SFMBT1: variants seen among roughly 807,000 people sequenced by gnomAD.
The protein encoded by SFMBT1 is scm-like with four MBT domains protein 1.
A neutral mutation model predicts 108.7 loss-of-function variants in SFMBT1; 32 were observed. The ratio of observed to expected loss-of-function variants is 0.29; its 90% confidence interval spans 0.22 to 0.40. The LOEUF (loss-of-function observed/expected upper bound fraction) is 0.40. Among genes scored for constraint, SFMBT1 ranks in the 10% least tolerant of loss-of-function variants. The probability of loss-of-function intolerance (pLI) is 1.00; values close to 1 mark genes in which losing one functional copy is unlikely to be tolerated. For synonymous variants in SFMBT1, 348 were observed against 369.5 expected, an observed-to-expected ratio of 0.94 and a Z score of 0.67; for missense variants, 816 against 1,059.6, an observed-to-expected ratio of 0.77 and a Z score of 3.19.
intron 1 of SFMBT1, among the ~76,000 whole-genome samples, chr3:53,031,058 C>T (rs1699668579): frequency 6.6e-6 from 1 of 152,200 alleles, no homozygotes; most frequent in Non-Finnish European, 1.5e-5. Context: ...CTAAGCCTGT[C>T]CAACCCTCTT....
rs974756731 is a variant in SFMBT1, at chr3:53,002,514, C to T, written c.-130-33256G>A. 1.3e-5 allele frequency among the ~76,000 whole-genome samples: 2 copies of T among 149,898 alleles called. 1 individual carries two copies. Among genetic ancestry groups the T allele is most frequent in the Admixed American group, 1.3e-4 (2 of 14,866 alleles). The stretch of plus-strand genomic sequence containing the variant: ...CAAATTATAATAACTTCAGTATTCT[C>T]TAGTTAGGAGGTATTCTCCTCAGTT... On this transcript the variant is annotated intron_variant, in intron 1 of 20. Transcript: ENST00000394752.
At chr3:53,000,053 A>G (rs2564918) in intron 1 of SFMBT1, among the ~76,000 whole-genome samples, 146,775 of 149,230 alleles carry the variant, frequency 0.98, 72,266 homozygotes, top group Middle Eastern at 1. Context: ...TAGTAGAGAC[A>G]GGGTTTCACC....
At chr3:52,995,036 A>G (rs1306031548) in intron 1 of SFMBT1, among the ~76,000 whole-genome samples, 1 of 145,832 alleles carries the variant, frequency 6.9e-6, no homozygotes, top group Non-Finnish European at 1.5e-5. Flanking sequence ...AGAAAGCAAG[A>G]AAAAAAAAAG....
At chr3:52,930,815 C>A in intron 7 of SFMBT1, 126 bp downstream of exon 7, 1 of 706,530 alleles carries the variant, frequency 1.4e-6, no homozygotes, top group Non-Finnish European at 2.5e-6. Context: ...CCTTAACACA[C>A]CCTCCTCCTT....
At chr3:52,989,004 A>G (rs1705026121) in intron 1 of SFMBT1, among the ~76,000 whole-genome samples, 1 of 152,206 alleles carries the variant, frequency 6.6e-6, no homozygotes. Flanking sequence ...ACATTCTCTG[A>G]AAACCAAAAG....
chr3:52,982,368 A>C (rs760334725), intron 1 of SFMBT1, among the ~76,000 whole-genome samples: 1 of 152,222 alleles, frequency 6.6e-6, no homozygotes, highest in African/African-American at 2.4e-5. Context: ...TTGACAACAG[A>C]GCCAATCACA....
At chr3:52,982,720 C>G (rs112405254) in intron 1 of SFMBT1, among the ~76,000 whole-genome samples, 9 of 90,222 alleles carry the variant, frequency 1.0e-4, no homozygotes, top group Non-Finnish European at 1.8e-4. Flanking sequence ...CAGAGCAAGA[C>G]TCCCATCTCA....
At chr3:52,913,342 C>A in intron 15 of SFMBT1, 136 bp downstream of exon 15, 11 of 1,138,022 alleles carry the variant, frequency 9.7e-6, no homozygotes, top group Non-Finnish European at 1.3e-5. Flanking sequence ...CTTCACTGTC[C>A]AAAACATGAG....
intron 1 of SFMBT1, among the ~76,000 whole-genome samples, chr3:52,985,868 C>A (rs751598303): frequency 2.6e-5 from 4 of 152,008 alleles, no homozygotes; most frequent in Non-Finnish European, 5.9e-5. Flanking sequence ...TGAGGCCAGG[C>A]GAGGTGGCTC....
intron 4 of SFMBT1, among the ~76,000 whole-genome samples, chr3:52,942,680 T>C (rs1703224246): frequency 6.6e-6 from 1 of 152,098 alleles, no homozygotes. Flanking sequence ...ACCCAGCTAA[T>C]TGTTTTGTAT....
intron 1 of SFMBT1, among the ~76,000 whole-genome samples, chr3:53,014,963 T>C (rs1023189216): frequency 6.6e-6 from 1 of 152,230 alleles, no homozygotes; most frequent in African/African-American, 2.4e-5. Context: ...CTCATGCCTG[T>C]AATCCCAGCA....
chr3:53,042,386 C>G (rs1475831928), intron 1 of SFMBT1, among the ~76,000 whole-genome samples: 1 of 152,344 alleles, frequency 6.6e-6, no homozygotes, highest in South Asian at 2.1e-4. Context: ...GTTACCCAGG[C>G]TGGAGTGCAG....
chr3:53,037,187 A>G (rs903217825), intron 1 of SFMBT1, among the ~76,000 whole-genome samples: 1 of 152,224 alleles, frequency 6.6e-6, no homozygotes, highest in Non-Finnish European at 1.5e-5. Flanking sequence ...CTGCGGGATC[A>G]TGCAGCCCTC....
intron 9 of SFMBT1, among the ~76,000 whole-genome samples, chr3:52,927,022 T>A (rs1702679587): frequency 6.6e-6 from 1 of 152,180 alleles, no homozygotes; most frequent in Admixed American, 6.5e-5. Context: ...ACAGTTGATT[T>A]GTCTATAACA....
At chr3:52,959,158 A>T (rs934903274) in intron 2 of SFMBT1, among the ~76,000 whole-genome samples, 3 of 152,154 alleles carry the variant, frequency 2.0e-5, no homozygotes, top group Non-Finnish European at 4.4e-5. Flanking sequence ...ATCAGGAAAA[A>T]CAGTTAATGT....
At chr3:53,000,431 T>C (rs1002488826) in intron 1 of SFMBT1, among the ~76,000 whole-genome samples, 2 of 150,266 alleles carry the variant, frequency 1.3e-5, no homozygotes, top group African/African-American at 4.8e-5. Flanking sequence ...GTGGTCACTG[T>C]ATTGTGATCA....
At chr3:52,975,060 G>A (rs1704474188) in intron 1 of SFMBT1, among the ~76,000 whole-genome samples, 2 of 148,970 alleles carry the variant, frequency 1.3e-5, no homozygotes, top group Non-Finnish European at 1.5e-5. Flanking sequence ...ACCCAACACA[G>A]GGCAAATCCA....
At chr3:52,949,251 T>C (rs1703485549) in intron 3 of SFMBT1, among the ~76,000 whole-genome samples, 1 of 152,182 alleles carries the variant, frequency 6.6e-6, no homozygotes. Flanking sequence ...TCTTTGTGAA[T>C]GTTCCATGTG....
intron 2 of SFMBT1, among the ~76,000 whole-genome samples, chr3:52,961,232 T>G (rs964011976): frequency 1.3e-5 from 2 of 152,060 alleles, no homozygotes; most frequent in African/African-American, 4.8e-5. Context: ...ATACCTACAG[T>G]AGTCAAATTC....
Sources: gnomAD v4.1 joint callset for allele counts (sites outside exome capture counted in the v4.1 genomes callset) on GRCh38, gnomAD v4.1.1 for gene constraint, MANE v1.5 for transcripts, NCBI Gene and HGNC (gene_info 2026-07-23, HGNC 2026-07-21) for gene names.